Variants in PLA1A observed in about 807,000 individuals in gnomAD.
The protein encoded by PLA1A is phospholipase A1 member A, also known as phosphatidylserine-specific phospholipase A1alpha.
PLA1A carries 47 observed loss-of-function variants against 49.4 expected under a neutral mutation model. That is an observed-to-expected ratio of 0.95 (90% CI 0.75 to 1.21). The LOEUF is 1.21. Among genes scored for constraint, PLA1A ranks in the 50% most tolerant of loss-of-function variants. The pLI is 0.00. For missense variants in PLA1A, 561 were observed against 563.9 expected, an observed-to-expected ratio of 0.99 and a Z score of 0.05; for synonymous variants, 224 against 207.9, an observed-to-expected ratio of 1.08 and a Z score of -0.67.
rs1433268738 is a variant in PLA1A, at chr3:119,625,107, G to C, written c.1013-17G>C. 1 of 1,541,696 alleles carries C rather than the reference G, an allele frequency of 6.5e-7. No homozygotes were observed. The highest frequency in any genetic ancestry group is 9.0e-7 in the Non-Finnish European group (1 of 1,114,150). ...TTCTGCCCTCTGGCCAGTCTCTGTT[G>C]TGCTTTGGTTTCCTAGTGCATCACA... On this transcript the variant is annotated splice_polypyrimidine_tract_variant and intron_variant, in intron 8 of 10. Transcript: ENST00000273371.
At chr3:119,598,071 GAA>G in intron 1 of PLA1A, 85 bp downstream of exon 1, 2 of 825,866 alleles carry the variant, frequency 2.4e-6, no homozygotes, top group Non-Finnish European at 3.9e-6. Flanking sequence ...CTAACTTTTG[GAA>G]GATCCCCTAA....
chr3:119,617,890 T>C, intron 6 of PLA1A, 129 bp from the exon 7 acceptor site: 1 of 616,968 alleles, frequency 1.6e-6, no homozygotes, highest in Non-Finnish European at 2.8e-6. Context: ...TCTGAAAAAG[T>C]GATTTGAGGG....
At chr3:119,598,741 T>C (rs2107771429) in intron 1 of PLA1A, 1 of 152,514 alleles carries the variant, frequency 6.6e-6, no homozygotes, top group East Asian at 1.9e-4. Flanking sequence ...TGTCATTGCT[T>C]CTGCCTGGGG....
Position 119,597,976 on chromosome 3 carries a change from T to C in PLA1A, c.63T>C (p.Val21=). Residue 21 remains valine (V), a synonymous_variant, in exon 1 of 11, where the codon GTT becomes GTC. Transcript: ENST00000273371. ...GGGGCCTCATTTTGTGGCTCAGCGT[T>C]GGAAGTTCAGGTAAGCCAGGGCTCA... ...WVGGLILWLS[V]GSSGDAPPTP... 6.2e-7 allele frequency: 1 copy of C among 1,606,644 alleles called. No individual in the cohort carries two copies. The highest frequency in any genetic ancestry group is 8.5e-7 in the Non-Finnish European group (1 of 1,175,514).
At chr3:119,603,062 G>C (rs575347267) in intron 1 of PLA1A, among the ~76,000 whole-genome samples, 10 of 152,284 alleles carry the variant, frequency 6.6e-5, no homozygotes, top group Non-Finnish European at 1.2e-4. Context: ...TCTTGGAGTG[G>C]GGTGGATTAG....
Position 119,609,036 on chromosome 3 carries a change from G to A in PLA1A, c.453+89G>A, listed in dbSNP as rs901711914. On this transcript the variant is annotated intron_variant, in intron 3 of 10. Transcript: ENST00000273371. ...AAAGCACTGCCTGAGGAGGCTTAGG[G>A]TGGAAGCAGAGTCACCAGGTAGCTC... 10 of 1,121,442 alleles carry A rather than the reference G, an allele frequency of 8.9e-6. No homozygotes were observed. In the African/African-American group the frequency reaches 9.3e-5, roughly 10 times the overall value. 69.5% of individuals were successfully genotyped at this position (1,121,442 alleles called of 1,614,324 possible). A position where few individuals can be genotyped will look rare whatever the true frequency, so the allele number is the denominator to read the frequency against.
At chr3:119,599,116 C>T (rs564927451) in intron 1 of PLA1A, among the ~76,000 whole-genome samples, 11 of 152,210 alleles carry the variant, frequency 7.2e-5, no homozygotes, top group East Asian at 1.9e-4. Context: ...CTGTCTGGGT[C>T]GGGCTAACCC....
intron 5 of PLA1A, 63 bp downstream of exon 5, chr3:119,613,181 C>A: frequency 9.0e-7 from 1 of 1,110,652 alleles, no homozygotes; most frequent in Non-Finnish European, 1.3e-6. Context: ...AGGAGGCTGG[C>A]ATCTAGCTCT....
Position 119,625,193 on chromosome 3 carries a change from T to G in PLA1A, c.1082T>G (p.Phe361Cys), listed in dbSNP as rs2052500303. ...AAGGACACCAACATCGAGGTTACCTTCCTTAGCAGTAACATCACCTCTTCA... is the reference window on the plus strand; with the variant it reads ...AAGGACACCAACATCGAGGTTACCTGCCTTAGCAGTAACATCACCTCTTCA... ...RNKDTNIEVTFLSSNITSSSK... is the reference protein window; with the variant it reads ...RNKDTNIEVTCLSSNITSSSK... Residue 361 changes from phenylalanine to cysteine, a missense_variant, in exon 9 of 11, where the codon TTC becomes TGC. Transcript: ENST00000273371. 6.2e-7 allele frequency: 1 copy of G among 1,613,128 alleles called. No homozygotes were observed. Among genetic ancestry groups the G allele is most frequent in the African/African-American group, 1.3e-5 (1 of 74,902 alleles).
At position 119,605,111 on chromosome 3, in the gene PLA1A, T is replaced by A. The variant is rs544736247; in HGVS notation, c.74-1663T>A. On this transcript the variant is annotated intron_variant, in intron 1 of 10. Coordinates refer to ENST00000273371, the MANE Select transcript of PLA1A (RefSeq NM_015900.4). Reference sequence around the variant, plus strand: ...TGAAACACAGTCTTTTCATCTTTTCTTTAAAGAGCCAAATGCTGGGGGAGG... The same window carrying A: ...TGAAACACAGTCTTTTCATCTTTTCATTAAAGAGCCAAATGCTGGGGGAGG... 5.1e-4 allele frequency among the ~76,000 whole-genome samples: 78 copies of A among 152,358 alleles called. 1 individual carries two copies. The South Asian group carries it at 0.016, about 30-fold the overall frequency.
intron 6 of PLA1A, among the ~76,000 whole-genome samples, chr3:119,616,464 C>G (rs2082849646): frequency 6.6e-6 from 1 of 152,222 alleles, no homozygotes; most frequent in Non-Finnish European, 1.5e-5. Flanking sequence ...TCTTTTTGAA[C>G]ACATTCAATG....
intron 10 of PLA1A, 29 bp from the exon 11 acceptor site, chr3:119,629,355 A>G: frequency 2.2e-6 from 3 of 1,339,018 alleles, no homozygotes; most frequent in Non-Finnish European, 1.1e-6. Flanking sequence ...CTCACCAGCC[A>G]CTGCTCTCTT....
At position 119,613,048 on chromosome 3, in the gene PLA1A, G is replaced by T. The variant is rs935934234; in HGVS notation, c.594G>T (p.Arg198Ser). The T allele has an allele frequency of 1.2e-6, 2 of 1,606,662 alleles. No individual in the cohort carries two copies. The highest frequency in any genetic ancestry group is 1.3e-5 in the African/African-American group (1 of 74,806). ...GLDPAGPEYT[R>S]ASVEERLDAG... ...ACCCCGCTGGACCTGAGTACACCAG[G>T]GCCAGTGTGGAAGAGCGCTTGGATG... is the stretch of plus-strand genomic sequence containing the variant. The change falls in exon 5 of 11, where the codon AGG (arginine) becomes AGT (serine). Residue 198 changes from arginine (R) to serine (S), a missense_variant. Coordinates refer to ENST00000273371, the MANE Select transcript of PLA1A (RefSeq NM_015900.4).
At position 119,623,495 on chromosome 3, in the gene PLA1A, G is replaced by A. The variant is rs139643025; in HGVS notation, c.1013-1629G>A. ...GCCAGAGGGACAGCAGGTCCCAGGG[G>A]TATCACCATGGCCCAGGCTGTACAC... On this transcript the variant is annotated intron_variant, in intron 8 of 10. Coordinates refer to ENST00000273371, the MANE Select transcript of PLA1A (RefSeq NM_015900.4). Among the ~76,000 whole-genome samples the A allele has an allele frequency of 7.0e-3, 1,061 of 152,048 alleles. 7 individuals are homozygous for A. The highest frequency in any genetic ancestry group is 0.024 in the Middle Eastern group (7 of 294).
intron 1 of PLA1A, among the ~76,000 whole-genome samples, chr3:119,599,981 T>C (rs901343088): frequency 2.8e-4 from 43 of 152,026 alleles, no homozygotes; most frequent in South Asian, 1.0e-3. Context: ...TGCGTGTGTG[T>C]GTGTGTGTGG....
Position 119,619,441 on chromosome 3 carries a change from G to A in PLA1A, c.923-122G>A, listed in dbSNP as rs112981565. ...CACCTTAGAATACAGCACATAGTGC[G>A]TGTATGGTGTAGATGTCCGTGGAAT... On this transcript the variant is annotated intron_variant, in intron 7 of 10. Coordinates refer to ENST00000273371, the MANE Select transcript of PLA1A (RefSeq NM_015900.4). The A allele has an allele frequency of 4.5e-4, 330 of 729,148 alleles. No homozygotes were observed. In the African/African-American group the frequency reaches 5.0e-3, roughly 11 times the overall value. The allele number at this position is 729,148 out of a possible 1,614,324, so 45.2% of individuals were successfully genotyped here.
rs1460949372 is a variant in PLA1A, at chr3:119,608,796, T to C, written c.302T>C (p.Ile101Thr). 1.2e-6 allele frequency: 2 copies of C among 1,614,044 alleles called. No individual in the cohort carries two copies. Among genetic ancestry groups the C allele is most frequent in the Non-Finnish European group, 8.5e-7 (1 of 1,179,906 alleles). Residue 101 changes from isoleucine (I) to threonine (T), a missense_variant, in exon 3 of 11, where the codon ATT (isoleucine) becomes ACT (threonine). Coordinates refer to ENST00000273371, the MANE Select transcript of PLA1A (RefSeq NM_015900.4). ...GTTTTAGGAACAAAGCCTTCCTGGA[T>C]TGACACATTTATTAGAACCCTTCTG... ...FRVLGTKPSW[I>T]DTFIRTLLRA...
intron 4 of PLA1A, among the ~76,000 whole-genome samples, chr3:119,612,786 C>G (rs780050216): frequency 6.6e-6 from 1 of 152,180 alleles, no homozygotes; most frequent in Non-Finnish European, 1.5e-5. Context: ...CCGCGCCCAG[C>G]CTCAAGCTCA....
intron 9 of PLA1A, among the ~76,000 whole-genome samples, chr3:119,628,011 G>A (rs1005347337): frequency 6.6e-6 from 1 of 152,122 alleles, no homozygotes; most frequent in Non-Finnish European, 1.5e-5. Flanking sequence ...GGAATCTGGG[G>A]GGGCAAAGCC....
Sources: allele counts gnomAD v4.1 joint callset (sites outside exome capture counted in the v4.1 genomes callset), GRCh38; gene constraint gnomAD v4.1.1; transcripts MANE v1.5; gene names NCBI Gene and HGNC (gene_info 2026-07-23, HGNC 2026-07-21).